The following ALG14 variants were observed in gnomAD, a reference collection of about 807,000 sequenced individuals.
ALG14 encodes the protein UDP-N-acetylglucosamine transferase subunit ALG14.
ALG14 carries 17 observed loss-of-function variants against 22.8 expected under a neutral mutation model. The ratio of observed to expected loss-of-function variants is 0.75; its 90% confidence interval spans 0.51 to 1.12. ALG14 has a LOEUF of 1.12. Ranked by LOEUF, ALG14 falls within the 50% of genes most tolerant of loss-of-function variation. ALG14 has a pLI of 0.00. For synonymous variants in ALG14, 89 were observed against 103.7 expected (o/e 0.86, Z 0.86); for missense variants, 288 against 271.8 (o/e 1.06, Z -0.42).
rs139945652 is a variant in ALG14, at chr1:95,025,073, C to A, written c.420+2056G>T. Among the ~76,000 whole-genome samples, 1,142 of 152,228 alleles carry A rather than the reference C, an allele frequency of 7.5e-3. 11 individuals are homozygous for A. Among genetic ancestry groups the A allele is most frequent in the African/African-American group, 0.026 (1,067 of 41,540 alleles). ...ATGTTTTCTTAAATAATAAAACTTG[C>A]AAGTCAAAATTATGCCTTGATTTAT... is the stretch of plus-strand genomic sequence containing the variant. On this transcript the variant is annotated intron_variant, in intron 3 of 3. Transcript: ENST00000370205.
chr1:95,030,579 C>T (rs1213795708), intron 2 of ALG14, among the ~76,000 whole-genome samples: 2 of 152,070 alleles, frequency 1.3e-5, no homozygotes, highest in Non-Finnish European at 2.9e-5. Context: ...TGTGAGCATA[C>T]AACTTTACGA....
Position 94,981,858 on chromosome 1 carries a change from G to C in ALG14, c.*1218C>G, listed in dbSNP as rs1388892725. 6.6e-6 allele frequency: 1 copy of C among 151,848 alleles called. No individual in the cohort carries two copies. The highest frequency in any genetic ancestry group is 1.5e-5 in the Non-Finnish European group (1 of 68,024). 9.4% of individuals were successfully genotyped at this position (151,848 alleles called of 1,614,324 possible). A position where few individuals can be genotyped will look rare whatever the true frequency, so the allele number is the denominator to read the frequency against. On this transcript the variant is annotated 3_prime_UTR_variant, in exon 4 of 4. Transcript: ENST00000370205. ...CAAGCAGGACCAGCGAAAGAATTCA[G>C]AGGGTCTAAAATATAAGTTCATTGT...
At chr1:95,066,544 A>T (rs922029474) in intron 1 of ALG14, among the ~76,000 whole-genome samples, 7 of 152,046 alleles carry the variant, frequency 4.6e-5, no homozygotes, top group African/African-American at 1.7e-4. Flanking sequence ...TTAATAGTAG[A>T]AAGGAAAGGA....
chr1:95,067,819 C>G (rs931721110), intron 1 of ALG14, among the ~76,000 whole-genome samples: 2 of 152,130 alleles, frequency 1.3e-5, no homozygotes, highest in African/African-American at 4.8e-5. Context: ...CAAAATCCTC[C>G]AGTGGCTTCA....
intron 2 of ALG14, among the ~76,000 whole-genome samples, chr1:95,040,279 A>G (rs11590106): frequency 0.28 from 42,431 of 152,062 alleles, 6,510 homozygotes; most frequent in African/African-American, 0.42. Context: ...GTTGATTCAC[A>G]CAAGGTGACA....
intron 3 of ALG14, 152 bp from the exon 4 acceptor site, chr1:94,983,458 T>C: frequency 1.5e-6 from 1 of 669,288 alleles, no homozygotes; most frequent in Non-Finnish European, 2.5e-6. Flanking sequence ...AAACAGCGCA[T>C]GTTTAAGCCC....
intron 2 of ALG14, among the ~76,000 whole-genome samples, chr1:95,043,277 A>C (rs1307045877): frequency 6.6e-6 from 1 of 152,086 alleles, no homozygotes; most frequent in East Asian, 1.9e-4. Context: ...GGGCGATGGG[A>C]GGGGAGGCCC....
chr1:95,046,824 G>A lies in ALG14; in HGVS notation c.288+18042C>T, dbSNP rs896364961. On this transcript the variant is annotated intron_variant, in intron 2 of 3. Coordinates refer to ENST00000370205, the MANE Select transcript of ALG14 (RefSeq NM_144988.4). ...TTTTAAAGTAAAAAGCAGTCTAGGC[G>A]CAGTGGCTTACGCCTGTAATCTCAA... 4.6e-5 allele frequency among the ~76,000 whole-genome samples: 7 copies of A among 152,126 alleles called. No homozygotes were observed. In the East Asian group the frequency reaches 5.8e-4, roughly 13 times the overall value.
At chr1:95,037,257 C>T (rs1379173584) in intron 2 of ALG14, among the ~76,000 whole-genome samples, 1 of 152,194 alleles carries the variant, frequency 6.6e-6, no homozygotes, top group African/African-American at 2.4e-5. Flanking sequence ...GTCCCCTTCA[C>T]CCCTAACCCT....
In ALG14 at chr1:94,979,983, C is replaced by A. The variant is rs1198516632; in HGVS notation, c.*3093G>T. On this transcript the variant is annotated 3_prime_UTR_variant, in exon 4 of 4. Transcript: ENST00000370205. ...GAAGGACAATTTTCTTTAACACTTACAATGATGTTCTTATTGTTGGTAAAA... is the reference window on the plus strand; with the variant it reads ...GAAGGACAATTTTCTTTAACACTTAAAATGATGTTCTTATTGTTGGTAAAA... 6.6e-6 allele frequency: 1 copy of A among 151,800 alleles called. No individual in the cohort carries two copies. Among genetic ancestry groups the A allele is most frequent in the Non-Finnish European group, 1.5e-5 (1 of 67,986 alleles). The allele number at this position is 151,800 out of a possible 1,614,324, so 9.4% of individuals were successfully genotyped here.
chr1:95,052,689 C>G (rs917466864), intron 2 of ALG14, among the ~76,000 whole-genome samples: 1 of 151,816 alleles, frequency 6.6e-6, no homozygotes, highest in Non-Finnish European at 1.5e-5. Context: ...GAGACCCTGT[C>G]TCTACTAAAT....
chr1:95,015,797 G>A (rs1272386274), intron 3 of ALG14, among the ~76,000 whole-genome samples: 1 of 152,206 alleles, frequency 6.6e-6, no homozygotes, highest in African/African-American at 2.4e-5. Flanking sequence ...GCCTGAAGAG[G>A]CTCACTGTGG....
intron 3 of ALG14, among the ~76,000 whole-genome samples, chr1:94,999,414 T>C (rs991208602): frequency 1.3e-5 from 2 of 149,208 alleles, no homozygotes; most frequent in African/African-American, 5.0e-5. Flanking sequence ...TGGTTAGACG[T>C]AATTATGAGG....
At chr1:95,048,400 C>T (rs1674630946) in intron 2 of ALG14, among the ~76,000 whole-genome samples, 1 of 152,140 alleles carries the variant, frequency 6.6e-6, no homozygotes, top group African/African-American at 2.4e-5. Flanking sequence ...GGGGCCAACT[C>T]ATGCTGTAAC....
intron 3 of ALG14, among the ~76,000 whole-genome samples, chr1:95,016,972 TG>T (rs1673516517): frequency 1.3e-5 from 2 of 150,762 alleles, no homozygotes; most frequent in Admixed American, 6.6e-5. Context: ...TGTGTGTGTG[TG>T]TGTGTGTGTG....
chr1:95,038,702 T>G (rs887146446), intron 2 of ALG14, among the ~76,000 whole-genome samples: 16 of 141,856 alleles, frequency 1.1e-4, no homozygotes, highest in East Asian at 6.4e-4. Context: ...AAAAACAAAG[T>G]GATAAACTAT....
intron 3 of ALG14, among the ~76,000 whole-genome samples, chr1:95,016,906 T>G (rs538843467): frequency 6.7e-6 from 1 of 150,268 alleles, no homozygotes; most frequent in Non-Finnish European, 1.5e-5. Flanking sequence ...TTAACATCCA[T>G]CCTGCAGTCA....
intron 2 of ALG14, among the ~76,000 whole-genome samples, chr1:95,027,701 T>C (rs1571622189): frequency 6.6e-6 from 1 of 152,334 alleles, no homozygotes; most frequent in East Asian, 1.9e-4. Context: ...AAACAAGTCA[T>C]TTTCGCCTAC....
At chr1:95,017,979 T>C (rs577691514) in intron 3 of ALG14, among the ~76,000 whole-genome samples, 13 of 152,222 alleles carry the variant, frequency 8.5e-5, no homozygotes, top group African/African-American at 2.9e-4. Flanking sequence ...GATCCTTCTC[T>C]TGGAGCTTCT....
Sources: allele counts gnomAD v4.1 joint callset (sites outside exome capture counted in the v4.1 genomes callset), GRCh38; gene constraint gnomAD v4.1.1; transcripts MANE v1.5; gene names NCBI Gene and HGNC (gene_info 2026-07-23, HGNC 2026-07-21).